HERC4: variants seen among roughly 807,000 people sequenced by gnomAD.
HERC4 encodes the protein HECT and RLD domain containing E3 ubiquitin protein ligase 4, also known as probable E3 ubiquitin-protein ligase HERC4.
HERC4 carries 28 observed loss-of-function variants against 124.3 expected under a neutral mutation model. The observed-to-expected ratio is 0.23, with a 90% CI of 0.17 to 0.31. The LOEUF is 0.31. Among genes scored for constraint, HERC4 ranks in the 10% least tolerant of loss-of-function variants. HERC4 has a pLI of 1.00. For missense variants in HERC4, 713 were observed against 1,229.3 expected (o/e 0.58, Z 6.28); for synonymous variants, 407 against 421.5 (o/e 0.97, Z 0.42).
chr10:67,940,932 A>T lies in HERC4; in HGVS notation c.2504+7T>A. On this transcript the variant is annotated splice_region_variant and intron_variant, in intron 20 of 24. Coordinates refer to ENST00000373700, the MANE Select transcript of HERC4 (RefSeq NM_015601.4). ...CTACTACTTTTTGACTTTTTTTTCC[A>T]ACTAACCTCCCAACATCAGGCATTA... 2 of 1,605,372 alleles carry T rather than the reference A, an allele frequency of 1.2e-6. No individual in the cohort carries two copies. The highest frequency in any genetic ancestry group is 2.3e-5 in the South Asian group (2 of 88,340).
chr10:67,962,791 T>C (rs941155252), intron 16 of HERC4, among the ~76,000 whole-genome samples: 7 of 152,164 alleles, frequency 4.6e-5, no homozygotes, highest in African/African-American at 1.7e-4. Flanking sequence ...TTCATTATAG[T>C]GCACATAGAG....
In HERC4 at chr10:68,043,385, T is replaced by A. The variant is rs549270827; in HGVS notation, c.386+1019A>T. Among the ~76,000 whole-genome samples, 19 of 151,964 alleles carry A rather than the reference T, an allele frequency of 1.3e-4. No individual in the cohort carries two copies. In the South Asian group the frequency reaches 2.9e-3, roughly 23 times the overall value. ...ATTACTAGGAAAAAGAACAAAAGAG[T>A]TTAAAGAGGTCAGAATTTGTGTAAA... is the stretch of plus-strand genomic sequence containing the variant. On this transcript the variant is annotated intron_variant, in intron 4 of 24. Transcript: ENST00000373700.
chr10:67,927,030 T>C (rs2031061229), intron 23 of HERC4, among the ~76,000 whole-genome samples: 1 of 152,152 alleles, frequency 6.6e-6, no homozygotes, highest in South Asian at 2.1e-4. Flanking sequence ...TTTTGGACTT[T>C]CCTTATTTGT....
At chr10:68,007,002 T>A (rs1411454276) in intron 9 of HERC4, among the ~76,000 whole-genome samples, 2 of 152,178 alleles carry the variant, frequency 1.3e-5, no homozygotes, top group Non-Finnish European at 2.9e-5. Context: ...TGCACTTGAA[T>A]ACTGATATTT....
At chr10:68,008,780 G>A (rs116803299) in intron 9 of HERC4, among the ~76,000 whole-genome samples, 2,509 of 152,110 alleles carry the variant, frequency 0.016, 75 homozygotes, top group African/African-American at 0.057. Context: ...CAACCCAATC[G>A]TCCACTGATA....
At chr10:67,987,286 C>T (rs1458360961) in intron 15 of HERC4, among the ~76,000 whole-genome samples, 3 of 152,050 alleles carry the variant, frequency 2.0e-5, no homozygotes, top group Non-Finnish European at 2.9e-5. Flanking sequence ...GCTTCTCTGC[C>T]CCTTCCATTT....
chr10:67,990,159 A>G, intron 14 of HERC4, 52 bp downstream of exon 14: 1 of 1,431,742 alleles, frequency 7.0e-7, no homozygotes, highest in Non-Finnish European at 9.5e-7. Context: ...CTTATGAAGC[A>G]TTTTCATTTA....
intron 16 of HERC4, among the ~76,000 whole-genome samples, chr10:67,957,830 C>T (rs1394109000): frequency 1.3e-5 from 2 of 151,986 alleles, no homozygotes; most frequent in African/African-American, 4.8e-5. Context: ...TTCCCCCATA[C>T]AGAGTCTTGC....
At chr10:67,990,157 G>A in intron 14 of HERC4, 54 bp downstream of exon 14, 1 of 1,405,254 alleles carries the variant, frequency 7.1e-7, no homozygotes, top group Non-Finnish European at 9.7e-7. Context: ...AACTTATGAA[G>A]CATTTTCATT....
chr10:68,004,749 C>T (rs559810461), intron 9 of HERC4, among the ~76,000 whole-genome samples: 17 of 152,138 alleles, frequency 1.1e-4, no homozygotes, highest in Non-Finnish European at 2.4e-4. Flanking sequence ...CACAAGGTGG[C>T]AGGAAGAAGT....
intron 17 of HERC4, chr10:67,956,139 A>C (rs949007603): frequency 2.6e-5 from 4 of 152,208 alleles, no homozygotes; most frequent in Admixed American, 2.6e-4. Context: ...TAGACTATTA[A>C]ATATTCAAGC....
intron 21 of HERC4, among the ~76,000 whole-genome samples, chr10:67,937,949 T>C (rs1002673868): frequency 4.1e-4 from 63 of 151,926 alleles, no homozygotes; most frequent in African/African-American, 1.4e-3. Context: ...CCAAAAGTGC[T>C]GGGATTACAG....
intron 3 of HERC4, among the ~76,000 whole-genome samples, chr10:68,049,172 T>C (rs1415051837): frequency 6.6e-6 from 1 of 151,782 alleles, no homozygotes; most frequent in Non-Finnish European, 1.5e-5. Flanking sequence ...CGCTGAAATA[T>C]TATGCTCTGC....
At chr10:68,015,909 C>CA (rs1252898401) in intron 8 of HERC4, among the ~76,000 whole-genome samples, 4 of 152,118 alleles carry the variant, frequency 2.6e-5, no homozygotes, top group African/African-American at 9.7e-5. Flanking sequence ...TCGAGACCAG[C>CA]ATGGCAAACA....
At position 67,922,757 on chromosome 10, in the gene HERC4, CA is replaced by C; in HGVS notation, c.*173del. The C allele has an allele frequency of 2.0e-6, 1 of 491,780 alleles. No homozygotes were observed. Among genetic ancestry groups the C allele is most frequent in the Non-Finnish European group, 3.6e-6 (1 of 274,262 alleles). 30.5% of individuals were successfully genotyped at this position (491,780 alleles called of 1,614,324 possible). On this transcript the variant is annotated 3_prime_UTR_variant, in exon 25 of 25. Coordinates refer to ENST00000373700, the MANE Select transcript of HERC4 (RefSeq NM_015601.4). ...CCATGGTTCTGTACAATAATATTAA[CA>C]GTTTGTTCATTTTCCTTTAATATTT... is the stretch of plus-strand genomic sequence containing the variant.
chr10:68,066,767 A>G (rs969330518), intron 3 of HERC4, among the ~76,000 whole-genome samples: 4 of 152,190 alleles, frequency 2.6e-5, no homozygotes, highest in African/African-American at 7.2e-5. Context: ...AAGAGAAAAG[A>G]CTGGGCATTA....
intron 3 of HERC4, among the ~76,000 whole-genome samples, chr10:68,052,315 C>T (rs548410065): frequency 3.3e-5 from 5 of 152,206 alleles, no homozygotes; most frequent in South Asian, 2.1e-4. Context: ...ACACTAATGG[C>T]GCATCATTTT....
intron 3 of HERC4, among the ~76,000 whole-genome samples, chr10:68,046,826 C>A (rs1368604451): frequency 6.6e-6 from 1 of 152,056 alleles, no homozygotes; most frequent in Non-Finnish European, 1.5e-5. Context: ...ACAAAATTAG[C>A]CAAGCGTGGT....
intron 15 of HERC4, among the ~76,000 whole-genome samples, chr10:67,978,328 A>G (rs1345627300): frequency 6.6e-6 from 1 of 152,194 alleles, no homozygotes; most frequent in Non-Finnish European, 1.5e-5. Flanking sequence ...TTCTGGCAGT[A>G]CTCCCCACAG....
Sources: allele counts gnomAD v4.1 joint callset (sites outside exome capture counted in the v4.1 genomes callset), GRCh38; gene constraint gnomAD v4.1.1; transcripts MANE v1.5; gene names NCBI Gene and HGNC (gene_info 2026-07-23, HGNC 2026-07-21).